Variants in ZNF397 observed in about 807,000 individuals in gnomAD.
The protein encoded by ZNF397 is zinc finger protein 397.
ZNF397 carries 38 observed loss-of-function variants against 50.6 expected under a neutral mutation model. That is an observed-to-expected ratio of 0.75 (90% CI 0.58 to 0.98). The LOEUF (loss-of-function observed/expected upper bound fraction) is 0.98, where lower values mean the gene tolerates loss of function less well. Ranked by LOEUF, ZNF397 falls within the 50% of genes least tolerant of loss-of-function variation. ZNF397 has a pLI of 0.00. For synonymous variants in ZNF397, 228 were observed against 215.2 expected, an observed-to-expected ratio of 1.06 and a Z score of -0.52; for missense variants, 624 against 624.1, an observed-to-expected ratio of 1.00 and a Z score of 0.00.
rs1290183416 is a variant in ZNF397 at position 35,242,654 on chromosome 18, C to T, written c.184C>T (p.Pro62Ser). The change falls in exon 2 of 4, where the codon CCT (proline) becomes TCT (serine). Residue 62 changes from proline to serine, a missense_variant. Transcript: ENST00000330501. Reference protein sequence around the residue: ...QFRKFCYQETPGPREALSRLQ... With the variant: ...QFRKFCYQETSGPREALSRLQ... ...CAGAAAATTTTGCTACCAGGAGACA[C>T]CTGGGCCCCGGGAGGCTCTGAGCCG... 2 of 1,614,232 alleles carry T rather than the reference C, an allele frequency of 1.2e-6. No homozygotes were observed. Among genetic ancestry groups the T allele is most frequent in the Non-Finnish European group, 1.7e-6 (2 of 1,180,044 alleles).
downstream of ZNF397, chr18:35,253,810 A>G: frequency 1.2e-6 from 2 of 1,614,114 alleles, no homozygotes; most frequent in South Asian, 2.2e-5. Flanking sequence ...GGATTCTCCG[A>G]TGCCTGATGA....
At chr18:35,254,026 G>A (rs1238806409), downstream of ZNF397, 11 of 1,614,186 alleles carry the variant, frequency 6.8e-6, no homozygotes, top group Non-Finnish European at 9.3e-6. Context: ...CACAGTCAAA[G>A]CACTCATAGA....
downstream of ZNF397, chr18:35,253,913 C>G: frequency 1.9e-6 from 3 of 1,614,142 alleles, no homozygotes; most frequent in South Asian, 3.3e-5. Context: ...AAGGTCTGAG[C>G]TCAAACTGAA....
At chr18:35,258,117 A>G (rs1237608444) in exon 6 of ZNF397, 2 of 675,660 alleles carry the variant, frequency 3.0e-6, no homozygotes, top group Non-Finnish European at 5.4e-6. Context: ...TTTAAACCTC[A>G]TGACCTAGGT....
In ZNF397 at chr18:35,248,269, G is replaced by T. The variant is rs925061550; in HGVS notation, c.*1959G>T. The T allele has an allele frequency of 6.6e-6, 1 of 152,160 alleles. No individual in the cohort carries two copies. The highest frequency in any genetic ancestry group is 2.4e-5 in the African/African-American group (1 of 41,442). The allele number at this position is 152,160 out of a possible 1,614,324, so 9.4% of individuals were successfully genotyped here. ...ATAAAAAGAAGCAAAGAGAAGTAAT[G>T]CTCTTATTGGGGCGTGCATCAGTGG... is the stretch of plus-strand genomic sequence containing the variant. On this transcript the variant is annotated 3_prime_UTR_variant, in exon 4 of 4. Coordinates refer to ENST00000330501, the MANE Select transcript of ZNF397 (RefSeq NM_001135178.3).
downstream of ZNF397, chr18:35,253,352 CAGA>C: frequency 2.1e-6 from 2 of 955,840 alleles, no homozygotes; most frequent in Non-Finnish European, 3.1e-6. Flanking sequence ...GAGGGAAGGA[CAGA>C]AGTTCTGCTC....
Position 35,246,429 on chromosome 18 carries a change from G to T in ZNF397, c.*119G>T. 1 of 1,449,080 alleles carries T rather than the reference G, an allele frequency of 6.9e-7. No homozygotes were observed. 89.8% of individuals were successfully genotyped at this position (1,449,080 alleles called of 1,614,324 possible). A position where few individuals can be genotyped will look rare whatever the true frequency, so the allele number is the denominator to read the frequency against. Reference sequence around the variant, plus strand: ...TATAAAATACTAGGTCTTGAGTCTAGCTTGCTTTGTGCAGCATTTCCCAGT... The same window carrying T: ...TATAAAATACTAGGTCTTGAGTCTATCTTGCTTTGTGCAGCATTTCCCAGT... On this transcript the variant is annotated 3_prime_UTR_variant, in exon 4 of 4. Transcript: ENST00000330501.
At chr18:35,244,551 C>T (rs1243587183) in intron 3 of ZNF397, among the ~76,000 whole-genome samples, 3 of 151,994 alleles carry the variant, frequency 2.0e-5, no homozygotes, top group South Asian at 2.1e-4. Flanking sequence ...TCTGGAGGAA[C>T]GCTCGTGTTT....
downstream of ZNF397, among the ~76,000 whole-genome samples, chr18:35,250,904 G>C (rs2043569963): frequency 6.6e-6 from 1 of 152,162 alleles, no homozygotes; most frequent in Non-Finnish European, 1.5e-5. Context: ...CCCAGAGACT[G>C]TCTCTTTTAG....
At chr18:35,252,835 T>A (rs2043646094), downstream of ZNF397, 1 of 152,782 alleles carries the variant, frequency 6.5e-6, no homozygotes, top group Non-Finnish European at 1.5e-5. Context: ...ACATAGCAGG[T>A]GCTCAATAAA....
exon 6 of ZNF397, chr18:35,258,291 G>A (rs1379198334): frequency 3.0e-6 from 1 of 329,836 alleles, no homozygotes; most frequent in Non-Finnish European, 5.7e-6. Flanking sequence ...CTAAGTCCAA[G>A]GACATTGGAG....
intron 2 of ZNF397, 91 bp downstream of exon 2, chr18:35,242,975 T>G (rs565600313): frequency 1.7e-5 from 26 of 1,502,038 alleles, no homozygotes; most frequent in Non-Finnish European, 2.3e-5. Flanking sequence ...TTTTTATGTC[T>G]CTACTGAACC....
rs1488332130 is a variant in ZNF397 at position 35,242,564 on chromosome 18, T to A, written c.94T>A (p.Trp32Arg). 6.2e-7 allele frequency: 1 copy of A among 1,614,238 alleles called. No homozygotes were observed. Among genetic ancestry groups the A allele is most frequent in the East Asian group, 2.2e-5 (1 of 44,884 alleles). The change falls in exon 2 of 4, where the codon TGG (tryptophan) becomes AGG (arginine). Residue 32 changes from tryptophan (W) to arginine (R), a missense_variant. By Grantham distance (101) the Trp-to-Arg change is moderately radical. Transcript: ENST00000330501. ...AGTGAAAGTAGAAGATAACTTTTCCTGGGATGAGAAATTTAAGCAGAATGG... is the reference window on the plus strand; with the variant it reads ...AGTGAAAGTAGAAGATAACTTTTCCAGGGATGAGAAATTTAAGCAGAATGG... ...ILVKVEDNFSWDEKFKQNGST... is the reference protein window; with the variant it reads ...ILVKVEDNFSRDEKFKQNGST...
downstream of ZNF397, chr18:35,252,841 A>G (rs1285784934): frequency 2.0e-5 from 3 of 152,892 alleles, no homozygotes; most frequent in African/African-American, 7.2e-5. Context: ...CAGGTGCTCA[A>G]TAAACTAGTA....
At position 35,247,053 on chromosome 18, in the gene ZNF397, A is replaced by AGGT. The variant is rs2043494095; in HGVS notation, c.*747_*749dup. 3.1e-6 allele frequency: 3 copies of AGGT among 974,166 alleles called. No homozygotes were observed. In the South Asian group the frequency reaches 1.4e-4, roughly 46 times the overall value. The allele number at this position is 974,166 out of a possible 1,614,324, so 60.3% of individuals were successfully genotyped here. On this transcript the variant is annotated 3_prime_UTR_variant, in exon 4 of 4. Transcript: ENST00000330501. ...CTGAAGGATGAGGAGGAGTTAGCCA[A>AGGT]GGTGGTACTCTAGGGAAGTGGTACC... is the stretch of plus-strand genomic sequence containing the variant.
At chr18:35,254,371 C>A (rs776813878), downstream of ZNF397, 34 of 1,613,836 alleles carry the variant, frequency 2.1e-5, no homozygotes, top group Non-Finnish European at 2.7e-5. Flanking sequence ...TGCCAGCCAC[C>A]ATCCTGCCAT....
At chr18:35,244,767 G>A (rs548833435) in intron 3 of ZNF397, among the ~76,000 whole-genome samples, 6 of 151,552 alleles carry the variant, frequency 4.0e-5, no homozygotes, top group Admixed American at 6.6e-5. Flanking sequence ...GGGACGGGGC[G>A]GTGGGGGGCG....
rs1206510851 is a variant in ZNF397 at position 35,246,190 on chromosome 18, C to A, written c.1485C>A (p.Ala495=). 1.7e-5 allele frequency: 26 copies of A among 1,551,712 alleles called. No individual in the cohort carries two copies. Among genetic ancestry groups the A allele is most frequent in the Non-Finnish European group, 2.0e-5 (23 of 1,147,042 alleles). The change falls in exon 4 of 4, where the codon GCC becomes GCA. Residue 495 remains alanine (A), a synonymous_variant. Coordinates refer to ENST00000330501, the MANE Select transcript of ZNF397 (RefSeq NM_001135178.3). ...ECGKTFKRSS[A]LVQHQRIHSG... is the part of the protein sequence containing the mutation. The stretch of plus-strand genomic sequence containing the variant: ...GCAAAACTTTCAAAAGGAGCTCAGC[C>A]CTTGTTCAGCATCAGAGAATTCATT...
rs746632702 is a variant in ZNF397 at position 35,245,740 on chromosome 18, A to G, written c.1035A>G (p.Glu345=). ...GTGAGAAAGCATATGAATGTAGTGA[A>G]TGTGGGAAAGCTTTCAATCAGAGCT... ...HSGEKAYECS[E]CGKAFNQSSA... The change falls in exon 4 of 4, where the codon GAA becomes GAG. Residue 345 remains glutamate, a synonymous_variant. Coordinates refer to ENST00000330501, the MANE Select transcript of ZNF397 (RefSeq NM_001135178.3). 1 of 1,552,162 alleles carries G rather than the reference A, an allele frequency of 6.4e-7. No homozygotes were observed. The highest frequency in any genetic ancestry group is 2.4e-5 in the East Asian group (1 of 40,906).
Sources: allele counts gnomAD v4.1 joint callset (sites outside exome capture counted in the v4.1 genomes callset), GRCh38; gene constraint gnomAD v4.1.1; transcripts MANE v1.5; gene names NCBI Gene and HGNC (gene_info 2026-07-23, HGNC 2026-07-21).